Variants in DNAJC6 observed in about 807,000 individuals in gnomAD.
DNAJC6 encodes the protein auxilin.
A neutral mutation model predicts 110.0 loss-of-function variants in DNAJC6; 34 were observed. The ratio of observed to expected loss-of-function variants is 0.31; its 90% CI spans 0.24 to 0.41. The LOEUF (loss-of-function observed/expected upper bound fraction) is 0.41, where lower values mean the gene tolerates loss of function less well. DNAJC6 is among the 10% of genes least tolerant of loss of function. The pLI is 1.00. For missense variants in DNAJC6, 1,031 were observed against 1,207.8 expected, an observed-to-expected ratio of 0.85 and a Z score of 2.17; for synonymous variants, 406 against 437.2, an observed-to-expected ratio of 0.93 and a Z score of 0.89.
intron 1 of DNAJC6, among the ~76,000 whole-genome samples, chr1:65,357,986 C>T (rs1645560209): frequency 6.6e-6 from 1 of 151,958 alleles, no homozygotes; most frequent in Non-Finnish European, 1.5e-5. Flanking sequence ...CAAGACCAGC[C>T]TCACCAACAT....
chr1:65,307,014 CTCTCTATATATATA>C (rs1325661630), upstream of DNAJC6, among the ~76,000 whole-genome samples: 1 of 75,984 alleles, frequency 1.3e-5, no homozygotes, highest in Non-Finnish European at 2.5e-5. Flanking sequence ...CTCTCTCTCT[CTCTCTATATATATA>C]TATATATATA....
Position 65,297,841 on chromosome 1 carries a change from A to C in DNAJC6, c.-131+32909A>C, listed in dbSNP as rs1019732791. ...TATTGTGAAACCTAAGATTGGTCTG[A>C]GATGTTTTTCAGACCTTGCATTCTG... On this transcript the variant is annotated intron_variant, in intron 1 of 19. Transcript: ENST00000263441. Among the ~76,000 whole-genome samples the C allele has an allele frequency of 1.1e-4, 17 of 152,266 alleles. 1 individual carries two copies. In the East Asian group the frequency reaches 2.3e-3, roughly 21 times the overall value.
intron 1 of DNAJC6, among the ~76,000 whole-genome samples, chr1:65,280,395 G>A (rs1749965): frequency 0.77 from 116,342 of 152,022 alleles, 44,965 homozygotes; most frequent in East Asian, 0.98. Context: ...ATACTGCCAT[G>A]TTATATTTTG....
rs554523315 is a variant in DNAJC6 at position 65,276,356 on chromosome 1, A to AT, written c.-131+11430dup. On this transcript the variant is annotated intron_variant, in intron 1 of 19. Coordinates refer to the DNAJC6 transcript ENST00000263441. ...GTTGTCTTTCTTCATATGCCTGGCAATTTTTTATTATATGTCCAGTATTGT... is the reference window on the plus strand; with the variant it reads ...GTTGTCTTTCTTCATATGCCTGGCAATTTTTTTATTATATGTCCAGTATTGT... 5.9e-5 allele frequency among the ~76,000 whole-genome samples: 9 copies of AT among 152,060 alleles called. No individual in the cohort carries two copies. The South Asian group carries it at 1.9e-3, about 32-fold the overall frequency.
At chr1:65,378,603 A>G (rs372607408) in intron 4 of DNAJC6, among the ~76,000 whole-genome samples, 2 of 152,240 alleles carry the variant, frequency 1.3e-5, no homozygotes, top group African/African-American at 2.4e-5. Context: ...ATTAGTAAGT[A>G]TGTAATCAAC....
chr1:65,323,073 G>C (rs1334207529), intron 1 of DNAJC6, among the ~76,000 whole-genome samples: 1 of 152,180 alleles, frequency 6.6e-6, no homozygotes, highest in Non-Finnish European at 1.5e-5. Context: ...TACAGCAGTG[G>C]GGAAAGCATT....
intron 17 of DNAJC6, 147 bp downstream of exon 17, chr1:65,408,930 T>G (rs1646101924): frequency 1.0e-6 from 1 of 1,003,930 alleles, no homozygotes; most frequent in Non-Finnish European, 1.4e-6. Context: ...CTAGGTGGCT[T>G]ATAAACAACA....
chr1:65,265,321 T>C (rs370743911), intron 1 of DNAJC6, among the ~76,000 whole-genome samples: 1 of 152,202 alleles, frequency 6.6e-6, no homozygotes, highest in African/African-American at 2.4e-5. Flanking sequence ...AATTGGAATA[T>C]CTGAAATAAT....
intron 1 of DNAJC6, among the ~76,000 whole-genome samples, chr1:65,325,323 T>C (rs749874100): frequency 6.6e-6 from 1 of 152,196 alleles, no homozygotes; most frequent in Non-Finnish European, 1.5e-5. Context: ...ATATTTCCTC[T>C]TAAAGGAGCT....
At chr1:65,411,600 C>T (rs1019934436) in intron 18 of DNAJC6, among the ~76,000 whole-genome samples, 174 bp downstream of exon 18, 11 of 151,966 alleles carry the variant, frequency 7.2e-5, no homozygotes, top group South Asian at 2.1e-4. Context: ...ATGAGAAAGA[C>T]GATATCAAAC....
At chr1:65,347,594 A>G (rs1423674061) in intron 1 of DNAJC6, among the ~76,000 whole-genome samples, 1 of 152,138 alleles carries the variant, frequency 6.6e-6, no homozygotes, top group African/African-American at 2.4e-5. Flanking sequence ...ATATAACAAA[A>G]TATAGGTAAT....
chr1:65,286,942 C>A (rs560992739), intron 1 of DNAJC6, among the ~76,000 whole-genome samples: 1 of 152,314 alleles, frequency 6.6e-6, no homozygotes, highest in East Asian at 1.9e-4. Flanking sequence ...ATATAGGTTT[C>A]TTTGATCCCA....
intron 12 of DNAJC6, among the ~76,000 whole-genome samples, chr1:65,394,657 G>A (rs1055536209): frequency 2.0e-5 from 3 of 152,134 alleles, no homozygotes; most frequent in Non-Finnish European, 4.4e-5. Flanking sequence ...GGCTTAATAC[G>A]TTTTCAGCTA....
chr1:65,391,548 C>T (rs1000580591), intron 11 of DNAJC6, among the ~76,000 whole-genome samples: 2 of 152,120 alleles, frequency 1.3e-5, no homozygotes, highest in African/African-American at 2.4e-5. Context: ...TTCACTTCTG[C>T]TCCAGACTGT....
Position 65,388,352 on chromosome 1 carries a change from T to C in DNAJC6, c.1130T>C (p.Ile377Thr). 6.2e-7 allele frequency: 1 copy of C among 1,614,088 alleles called. No individual in the cohort carries two copies. The highest frequency in any genetic ancestry group is 8.5e-7 in the Non-Finnish European group (1 of 1,179,958). Residue 377 changes from isoleucine to threonine, a missense_variant, in exon 9 of 19, where the codon ATA becomes ACA. Transcript: ENST00000371069. ...RLQAKVTNTQ[I>T]FQLQFHTGFI... is the part of the protein sequence containing the mutation. Reference sequence around the variant, plus strand: ...TATTTTTAGGTGACCAACACACAGATATTCCAGCTTCAGTTTCACACTGGA... The same window carrying C: ...TATTTTTAGGTGACCAACACACAGACATTCCAGCTTCAGTTTCACACTGGA...
Position 65,388,433 on chromosome 1 carries a change from CA to C in DNAJC6, c.1193+22del, listed in dbSNP as rs762551868. The C allele has an allele frequency of 6.2e-7, 1 of 1,608,914 alleles. No individual in the cohort carries two copies. Among genetic ancestry groups the C allele is most frequent in the Admixed American group, 1.7e-5 (1 of 60,022 alleles). On this transcript the variant is annotated intron_variant, in intron 9 of 18. Coordinates refer to ENST00000371069, the MANE Select transcript of DNAJC6 (RefSeq NM_001256864.2). ...TTCACCAAGTAAGTACTGGTTGGGCCAAAAGTCTATTTGAATCAAATTAGCT... is the reference window on the plus strand; with the variant it reads ...TTCACCAAGTAAGTACTGGTTGGGCCAAAGTCTATTTGAATCAAATTAGCT...
chr1:65,367,873 AT>A (rs67626971), intron 4 of DNAJC6, among the ~76,000 whole-genome samples: 1,718 of 136,854 alleles, frequency 0.013, 14 homozygotes, highest in African/African-American at 0.038. Context: ...AGGAGGGAGC[AT>A]TTTTTTTTTT....
chr1:65,378,025 C>A lies in DNAJC6; in HGVS notation c.544-1377C>A, dbSNP rs1339370942. On this transcript the variant is annotated intron_variant, in intron 4 of 18. Coordinates refer to ENST00000371069, the MANE Select transcript of DNAJC6 (RefSeq NM_001256864.2). ...CTCCCCTGACACACTCTTCAGTACA[C>A]CCCTCCACATGCACACACTGCCACC... 2.6e-5 allele frequency among the ~76,000 whole-genome samples: 4 copies of A among 152,250 alleles called. No individual in the cohort carries two copies. In the East Asian group the frequency reaches 7.7e-4, roughly 29 times the overall value.
chr1:65,290,782 T>C (rs1265446823), intron 1 of DNAJC6, among the ~76,000 whole-genome samples: 1 of 152,226 alleles, frequency 6.6e-6, no homozygotes, highest in Non-Finnish European at 1.5e-5. Flanking sequence ...TAGCTATTAT[T>C]AAAAAGTCAG....
Sources: gnomAD v4.1 joint callset for allele counts (sites outside exome capture counted in the v4.1 genomes callset) on GRCh38, gnomAD v4.1.1 for gene constraint, MANE v1.5 for transcripts, NCBI Gene and HGNC (gene_info 2026-07-23, HGNC 2026-07-21) for gene names.